Variants in GTF2IRD1 observed in about 807,000 individuals in gnomAD.
The protein encoded by GTF2IRD1 is GTF2I repeat domain containing 1, also known as general transcription factor II-I repeat domain-containing protein 1.
GTF2IRD1 carries 26 observed loss-of-function variants against 113.2 expected under a neutral mutation model. The observed-to-expected ratio is 0.23, with a 90% CI of 0.17 to 0.32. GTF2IRD1 has a LOEUF of 0.32. Ranked by LOEUF, GTF2IRD1 falls within the 10% of genes least tolerant of loss-of-function variation. The pLI, the probability that GTF2IRD1 is intolerant of heterozygous loss-of-function variation, is 1.00. For missense variants in GTF2IRD1, 864 were observed against 1,280.8 expected, an observed-to-expected ratio of 0.67 and a Z score of 4.97; for synonymous variants, 484 against 529.1, an observed-to-expected ratio of 0.91 and a Z score of 1.17.
intron 17 of GTF2IRD1, among the ~76,000 whole-genome samples, chr7:74,554,885 C>A (rs587723545): frequency 6.6e-6 from 1 of 152,280 alleles, no homozygotes; most frequent in South Asian, 2.1e-4. Flanking sequence ...CCTGAGGCCA[C>A]CTGCTCCAAT....
intron 24 of GTF2IRD1, among the ~76,000 whole-genome samples, chr7:74,592,819 C>T (rs1417393937): frequency 6.6e-6 from 1 of 152,048 alleles, no homozygotes; most frequent in Admixed American, 6.6e-5. Flanking sequence ...AAGCTTGAGC[C>T]ACCGTACCCG....
intron 22 of GTF2IRD1, among the ~76,000 whole-genome samples, chr7:74,581,523 G>A (rs1451002300): frequency 2.0e-5 from 3 of 152,184 alleles, no homozygotes; most frequent in Non-Finnish European, 2.9e-5. Flanking sequence ...TCTCTGATCC[G>A]TGTTTTTCCC....
chr7:74,517,839 G>C (rs1386274674), intron 4 of GTF2IRD1, among the ~76,000 whole-genome samples: 1 of 152,060 alleles, frequency 6.6e-6, no homozygotes. Flanking sequence ...TTGAGTCCCC[G>C]ATTTCCCCTC....
intron 10 of GTF2IRD1, among the ~76,000 whole-genome samples, chr7:74,535,673 G>A (rs1290055451): frequency 2.6e-5 from 4 of 152,130 alleles, no homozygotes; most frequent in Non-Finnish European, 4.4e-5. Context: ...GGGTGATCCT[G>A]GCACCCCAGT....
At chr7:74,572,180 G>T (rs1311735925) in intron 22 of GTF2IRD1, among the ~76,000 whole-genome samples, 2 of 152,208 alleles carry the variant, frequency 1.3e-5, no homozygotes, top group Non-Finnish European at 2.9e-5. Flanking sequence ...GGATGCTAGT[G>T]TAGGACTGAC....
rs1488975820 is a variant in GTF2IRD1, at chr7:74,536,284, C to T, written c.1409+9C>T. The T allele has an allele frequency of 6.4e-7, 1 of 1,550,854 alleles. No individual in the cohort carries two copies. Among genetic ancestry groups the T allele is most frequent in the South Asian group, 1.1e-5 (1 of 89,844 alleles). On this transcript the variant is annotated intron_variant, in intron 11 of 26. Transcript: ENST00000424337. ...CTTGCTGGGAATGCTCGGTGAGGCC[C>T]CGCCCCTGGCCCCGGAGGCCCGCGG...
intron 2 of GTF2IRD1, among the ~76,000 whole-genome samples, chr7:74,510,062 T>C (rs1796537049): frequency 6.6e-6 from 1 of 152,052 alleles, no homozygotes; most frequent in African/African-American, 2.4e-5. Context: ...CTGCTGTAGG[T>C]GGCTCAAGGG....
intron 1 of GTF2IRD1, among the ~76,000 whole-genome samples, chr7:74,507,844 G>A (rs1796383574): frequency 6.6e-6 from 1 of 152,186 alleles, no homozygotes; most frequent in Non-Finnish European, 1.5e-5. Context: ...GCTTGGGTGT[G>A]CAGACTTAGG....
At chr7:74,517,427 CTTTTTTTTTT>C (rs59499031) in intron 4 of GTF2IRD1, among the ~76,000 whole-genome samples, 5 of 77,402 alleles carry the variant, frequency 6.5e-5, no homozygotes, top group East Asian at 4.5e-4. Flanking sequence ...CTCCCTACAC[CTTTTTTTTTT>C]TTTTTTTTTT....
intron 1 of GTF2IRD1, among the ~76,000 whole-genome samples, chr7:74,458,304 G>A (rs529371978): frequency 6.6e-6 from 1 of 152,260 alleles, no homozygotes; most frequent in East Asian, 1.9e-4. Flanking sequence ...ATGGTTTCTG[G>A]GGGAGAAGGA....
intron 1 of GTF2IRD1, among the ~76,000 whole-genome samples, chr7:74,460,664 C>T (rs962604946): frequency 1.3e-5 from 2 of 152,014 alleles, no homozygotes; most frequent in East Asian, 3.9e-4. Context: ...TTTGGGAAGT[C>T]CTTGTCTTCA....
chr7:74,500,589 ATG>A (rs72168391), intron 1 of GTF2IRD1, among the ~76,000 whole-genome samples: 11,706 of 150,534 alleles, frequency 0.078, 1,394 homozygotes, highest in African/African-American at 0.26. Context: ...TTGTTCGTGT[ATG>A]TGTGTGTGTG....
At position 74,519,412 on chromosome 7, in the gene GTF2IRD1, A is replaced by G. The variant is rs782242828; in HGVS notation, c.609A>G (p.Pro203=). Residue 203 remains proline, a synonymous_variant, in exon 6 of 27, where the codon CCA becomes CCG. Transcript: ENST00000424337. ...ATGTGTCCTCTCCTTTACTCAGGCC[A>G]CTTGAGGATGGCGGGCGGGACTCGA... ...SHRIRFKLKR[P]LEDGGRDSKA... 1 of 1,525,102 alleles carries G rather than the reference A, an allele frequency of 6.6e-7. No individual in the cohort carries two copies. Among genetic ancestry groups the G allele is most frequent in the Non-Finnish European group, 8.8e-7 (1 of 1,136,508 alleles). 94.5% of individuals were successfully genotyped at this position (1,525,102 alleles called of 1,614,324 possible).
chr7:74,504,048 T>G (rs1212731262), intron 1 of GTF2IRD1, among the ~76,000 whole-genome samples: 1 of 152,240 alleles, frequency 6.6e-6, no homozygotes. Context: ...CGTAGGATAA[T>G]GATGTCCAGC....
At chr7:74,557,238 C>T (rs1202112166) in intron 19 of GTF2IRD1, among the ~76,000 whole-genome samples, 1 of 152,178 alleles carries the variant, frequency 6.6e-6, no homozygotes, top group African/African-American at 2.4e-5. Context: ...GCCCATCCTC[C>T]TCCATCTGCT....
intron 1 of GTF2IRD1, among the ~76,000 whole-genome samples, chr7:74,480,516 A>C (rs531243860): frequency 1.3e-5 from 2 of 152,316 alleles, no homozygotes; most frequent in South Asian, 4.1e-4. Context: ...ATTAGTCTCC[A>C]AGGCCACAAC....
At chr7:74,587,964 CAG>C (rs1289574832) in intron 22 of GTF2IRD1, among the ~76,000 whole-genome samples, 1 of 152,124 alleles carries the variant, frequency 6.6e-6, no homozygotes, top group African/African-American at 2.4e-5. Flanking sequence ...AGCGAGCGGT[CAG>C]GGGATTTCCA....
chr7:74,497,741 G>A (rs1048080736), intron 1 of GTF2IRD1, among the ~76,000 whole-genome samples: 5 of 151,978 alleles, frequency 3.3e-5, no homozygotes, highest in Non-Finnish European at 7.4e-5. Context: ...TTTCACTCTT[G>A]TTGCCCCGCC....
At chr7:74,539,542 G>C (rs1798503033) in intron 13 of GTF2IRD1, among the ~76,000 whole-genome samples, 1 of 151,988 alleles carries the variant, frequency 6.6e-6, no homozygotes, top group African/African-American at 2.4e-5. Flanking sequence ...TCAGGAGTTA[G>C]AGACCAGCCT....
Sources: gnomAD v4.1 joint callset for allele counts (sites outside exome capture counted in the v4.1 genomes callset) on GRCh38, gnomAD v4.1.1 for gene constraint, MANE v1.5 for transcripts, NCBI Gene and HGNC (gene_info 2026-07-23, HGNC 2026-07-21) for gene names.